The following ZNF831 variants were observed in gnomAD, a reference collection of about 807,000 sequenced individuals.
ZNF831 encodes zinc finger protein 831, also known as chromosome 20 open reading frame 174.
ZNF831 carries 59 observed loss-of-function variants against 95.8 expected under a neutral mutation model. The observed-to-expected ratio is 0.62, with a 90% CI of 0.50 to 0.77. ZNF831 has a LOEUF of 0.77. ZNF831 is among the 30% of genes least tolerant of loss of function. ZNF831 has a pLI of 0.00. For missense variants in ZNF831, 2,205 were observed against 2,164.0 expected (o/e 1.02, Z -0.38); for synonymous variants, 961 against 925.5 (o/e 1.04, Z -0.70).
rs773052484 is a variant in ZNF831, at chr20:59,192,252, C to T, written c.1233C>T (p.Leu411=). 7 of 1,594,652 alleles carry T rather than the reference C, an allele frequency of 4.4e-6. No individual in the cohort carries two copies. In the East Asian group the frequency reaches 1.4e-4, roughly 31 times the overall value. Residue 411 remains leucine (L), a synonymous_variant, in exon 2 of 6, where the codon CTC becomes CTT. Transcript: ENST00000371030. The surrounding 1 kb of genome is among the most constrained non-coding windows in gnomAD (Gnocchi z 5.2). Reference sequence around the variant, plus strand: ...GGCTGGAGGAGCGCATCGCCCAGCTCATCTCCCACAACCAGGCGGTGGTGG... The same window carrying T: ...GGCTGGAGGAGCGCATCGCCCAGCTTATCTCCCACAACCAGGCGGTGGTGG... ...KKRLEERIAQ[L]ISHNQAVVDD...
intron 4 of ZNF831, among the ~76,000 whole-genome samples, chr20:59,222,810 C>T (rs1270403422): frequency 6.6e-6 from 1 of 152,224 alleles, no homozygotes; most frequent in Non-Finnish European, 1.5e-5. Flanking sequence ...GGGGCACCTG[C>T]TCTGAACACC....
rs1243546097 is a variant in ZNF831, at chr20:59,191,510, G to A, written c.491G>A (p.Arg164Gln). Residue 164 changes from arginine to glutamine, a missense_variant, in exon 2 of 6, where the codon CGG becomes CAG. Physicochemically the swap from Arg to Gln is conservative, Grantham distance 43. Transcript: ENST00000371030. ...CCCAGTGTTCTAGAGAAGCACATCCGGTCCCACACGGGTGAGAGGCCCTTC... is the reference window on the plus strand; with the variant it reads ...CCCAGTGTTCTAGAGAAGCACATCCAGTCCCACACGGGTGAGAGGCCCTTC... ...LKPSVLEKHIRSHTGERPFPC... is the reference protein window; with the variant it reads ...LKPSVLEKHIQSHTGERPFPC... The A allele has an allele frequency of 6.2e-7, 1 of 1,613,012 alleles. No homozygotes were observed. Among genetic ancestry groups the A allele is most frequent in the African/African-American group, 1.3e-5 (1 of 74,950 alleles).
At chr20:59,200,681 A>T (rs1984464742) in intron 3 of ZNF831, among the ~76,000 whole-genome samples, 1 of 152,134 alleles carries the variant, frequency 6.6e-6, no homozygotes, top group African/African-American at 2.4e-5. Flanking sequence ...GCTTTCTGTC[A>T]CATAGGATAG....
intron 4 of ZNF831, among the ~76,000 whole-genome samples, chr20:59,222,724 T>C (rs1986171695): frequency 6.6e-6 from 1 of 152,138 alleles, no homozygotes; most frequent in Non-Finnish European, 1.5e-5. Flanking sequence ...CCCGGCTCCC[T>C]CCTCGCTCCG....
intron 1 of ZNF831, among the ~76,000 whole-genome samples, chr20:59,134,844 T>A (rs1568721572): frequency 6.6e-6 from 1 of 152,214 alleles, no homozygotes; most frequent in Non-Finnish European, 1.5e-5. Flanking sequence ...GATCTCTTTG[T>A]GCCTCAGGTT....
chr20:59,249,058 C>G (rs947385707), intron 4 of ZNF831, among the ~76,000 whole-genome samples: 1 of 152,258 alleles, frequency 6.6e-6, no homozygotes. Context: ...ACATTGGCCC[C>G]CCATGGGTCT....
At chr20:59,204,975 T>A (rs1175593006) in intron 3 of ZNF831, among the ~76,000 whole-genome samples, 2 of 152,214 alleles carry the variant, frequency 1.3e-5, no homozygotes, top group African/African-American at 4.8e-5. Flanking sequence ...ACTTGGGCTG[T>A]TCTCGAAGGC....
At chr20:59,127,097 C>T (rs1398713131) in intron 1 of ZNF831, among the ~76,000 whole-genome samples, 4 of 149,844 alleles carry the variant, frequency 2.7e-5, no homozygotes, top group Non-Finnish European at 5.9e-5. Context: ...AATTTCAACT[C>T]CATTCTTCCT....
At chr20:59,234,461 A>G (rs1446041118) in intron 4 of ZNF831, among the ~76,000 whole-genome samples, 1 of 152,236 alleles carries the variant, frequency 6.6e-6, no homozygotes, top group Non-Finnish European at 1.5e-5. Context: ...TACCCCAAAT[A>G]CTGTTAAAGA....
At chr20:59,219,116 C>A (rs1349492185) in intron 4 of ZNF831, among the ~76,000 whole-genome samples, 3 of 152,184 alleles carry the variant, frequency 2.0e-5, no homozygotes, top group Non-Finnish European at 2.9e-5. Context: ...TTCCTCCATG[C>A]AGACATGGGG....
chr20:59,156,265 G>C (rs898193699), intron 2 of ZNF831, among the ~76,000 whole-genome samples: 3 of 152,160 alleles, frequency 2.0e-5, no homozygotes, highest in South Asian at 4.1e-4. Flanking sequence ...GACTGCAATG[G>C]CTCCCGCCTG....
intron 1 of ZNF831, among the ~76,000 whole-genome samples, chr20:59,139,737 T>A (rs1436001547): frequency 6.6e-6 from 1 of 152,194 alleles, no homozygotes; most frequent in Non-Finnish European, 1.5e-5. Flanking sequence ...CTGTATATAA[T>A]TTTAAAGAGT....
chr20:59,161,061 T>C (rs751203612), upstream of ZNF831, among the ~76,000 whole-genome samples: 2 of 152,228 alleles, frequency 1.3e-5, no homozygotes, highest in Non-Finnish European at 2.9e-5. Flanking sequence ...ATCTGTACCA[T>C]GGTGCTTAGA....
At chr20:59,233,752 A>G (rs1351750548) in intron 4 of ZNF831, among the ~76,000 whole-genome samples, 1 of 152,176 alleles carries the variant, frequency 6.6e-6, no homozygotes, top group Non-Finnish European at 1.5e-5. Context: ...TCCCAAACAC[A>G]TGACAGGAAT....
chr20:59,250,431 C>T (rs1213105851), intron 4 of ZNF831, among the ~76,000 whole-genome samples: 1 of 152,150 alleles, frequency 6.6e-6, no homozygotes, highest in African/African-American at 2.4e-5. Flanking sequence ...AACAGGGCAA[C>T]CACATAACCT....
rs2146575155 is a variant in ZNF831, at chr20:59,192,978, G to A, written c.1959G>A (p.Gly653=). ...CCAGGGAGGTGGGAATGGGCAGTGG[G>A]GCAGAACTGGGCTTTCCTCTGCAGA... The part of the protein sequence containing the change: ...KKAREVGMGS[G]AELGFPLQKE... Residue 653 remains glycine (G), a synonymous_variant, in exon 2 of 6, where the codon GGG becomes GGA. Transcript: ENST00000371030. This position sits in a 1 kb window ranked among gnomAD's most constrained non-coding sequence, Gnocchi z 5.2. 6.3e-7 allele frequency: 1 copy of A among 1,585,978 alleles called. No homozygotes were observed. Among genetic ancestry groups the A allele is most frequent in the Non-Finnish European group, 8.6e-7 (1 of 1,167,466 alleles).
intron 4 of ZNF831, among the ~76,000 whole-genome samples, chr20:59,210,995 T>TGCAGTCC (rs1429721989): frequency 2.7e-5 from 2 of 75,440 alleles, no homozygotes; most frequent in Admixed American, 1.4e-4. Flanking sequence ...ATTGCGCCAC[T>TGCAGTCC]GCAGTCCGCA....
chr20:59,163,928 C>CTTTTA lies in ZNF831; in HGVS notation c.-301_-297dup, dbSNP rs1295439571. Among the ~76,000 whole-genome samples, 3 of 152,142 alleles carry CTTTTA rather than the reference C, an allele frequency of 2.0e-5. No homozygotes were observed. Among genetic ancestry groups the CTTTTA allele is most frequent in the South Asian group, 2.1e-4 (1 of 4,826 alleles). ...AGGCCAAGCCACAGGAGGCTGCCCTCTTTTATTTTATTTTATTTTCTAAGG... is the reference window on the plus strand; with the variant it reads ...AGGCCAAGCCACAGGAGGCTGCCCTCTTTTATTTTATTTTATTTTATTTTCTAAGG... On this transcript the variant is annotated 5_prime_UTR_variant, in exon 1 of 6. An upstream open reading frame in the 5' UTR gains an earlier in-frame stop. Transcript: ENST00000371030.
At chr20:59,219,756 C>A (rs1985955210) in intron 4 of ZNF831, among the ~76,000 whole-genome samples, 1 of 152,192 alleles carries the variant, frequency 6.6e-6, no homozygotes, top group Admixed American at 6.5e-5. Context: ...GAGCACTTAA[C>A]TACTATGTAC....
Sources: gnomAD v4.1 joint callset for allele counts (sites outside exome capture counted in the v4.1 genomes callset) on GRCh38, gnomAD v4.1.1 for gene constraint, Gnocchi (gnomAD v3.1) non-coding constraint, MANE v1.5 for transcripts, NCBI Gene and HGNC (gene_info 2026-07-23, HGNC 2026-07-21) for gene names.